The following COL4A4 variants were observed in gnomAD, a reference collection of about 807,000 sequenced individuals.
COL4A4 encodes the protein collagen type IV alpha 4 chain.
Under a neutral mutation model 192.9 loss-of-function variants are expected in COL4A4, and 105 were observed. That is an observed-to-expected ratio of 0.54 (90% CI 0.46 to 0.64). The LOEUF (loss-of-function observed/expected upper bound fraction) is 0.64, where lower values mean the gene tolerates loss of function less well. Ranked by LOEUF, COL4A4 falls within the 30% of genes least tolerant of loss-of-function variation. The pLI is 0.00. For synonymous variants in COL4A4, 762 were observed against 769.9 expected, an observed-to-expected ratio of 0.99 and a Z score of 0.17; for missense variants, 1,967 against 2,169.3, an observed-to-expected ratio of 0.91 and a Z score of 1.85.
chr2:227,153,478 T>C (rs1394335973), intron 1 of COL4A4, among the ~76,000 whole-genome samples: 1 of 152,188 alleles, frequency 6.6e-6, no homozygotes, highest in African/African-American at 2.4e-5. Flanking sequence ...CCAGGTTTTC[T>C]ATCACCTGAT....
At chr2:227,124,713 T>C (rs2061988057) in intron 4 of COL4A4, among the ~76,000 whole-genome samples, 2 of 152,356 alleles carry the variant, frequency 1.3e-5, no homozygotes, top group Admixed American at 1.3e-4. Flanking sequence ...GCACAAATTC[T>C]AAACTACGAT....
intron 40 of COL4A4, 74 bp from the exon 41 acceptor site, chr2:227,030,672 C>T (rs555364866): frequency 1.4e-5 from 17 of 1,180,584 alleles, no homozygotes; most frequent in African/African-American, 1.1e-4. Context: ...TGACAGCTTC[C>T]GAAGAAAAAC....
At chr2:227,125,193 A>G (rs1021126947) in intron 4 of COL4A4, among the ~76,000 whole-genome samples, 2 of 152,108 alleles carry the variant, frequency 1.3e-5, no homozygotes, top group Non-Finnish European at 2.9e-5. Flanking sequence ...AATGCCATAT[A>G]AAATACTTTA....
intron 4 of COL4A4, among the ~76,000 whole-genome samples, chr2:227,131,607 A>G (rs2062473212): frequency 6.6e-6 from 1 of 152,128 alleles, no homozygotes; most frequent in Non-Finnish European, 1.5e-5. Flanking sequence ...TTGTCTGAAC[A>G]CTTGTAGGGA....
At chr2:227,058,179 G>T (rs555234329) in intron 28 of COL4A4, among the ~76,000 whole-genome samples, 1 of 152,304 alleles carries the variant, frequency 6.6e-6, no homozygotes, top group South Asian at 2.1e-4. Flanking sequence ...ATATTAATCT[G>T]CAAATGTTTT....
intron 4 of COL4A4, among the ~76,000 whole-genome samples, chr2:227,125,523 C>T (rs907684674): frequency 3.3e-5 from 5 of 150,098 alleles, no homozygotes; most frequent in African/African-American, 4.9e-5. Context: ...TAAAATACTT[C>T]GGGAGGAAAA....
At chr2:227,052,952 C>G (rs886183392) in intron 31 of COL4A4, among the ~76,000 whole-genome samples, 5 of 152,120 alleles carry the variant, frequency 3.3e-5, no homozygotes, top group African/African-American at 1.2e-4. Context: ...TGGGCTCCTA[C>G]CAGCTTGACG....
At chr2:227,142,537 T>G (rs1218623712) in intron 3 of COL4A4, among the ~76,000 whole-genome samples, 1 of 152,144 alleles carries the variant, frequency 6.6e-6, no homozygotes, top group Non-Finnish European at 1.5e-5. Context: ...GCAGATCACT[T>G]GAAGCCAGGA....
chr2:227,111,706 C>G lies in COL4A4; in HGVS notation c.566G>C (p.Arg189Thr). 6.2e-7 allele frequency: 1 copy of G among 1,614,108 alleles called. No homozygotes were observed. The highest frequency in any genetic ancestry group is 8.5e-7 in the Non-Finnish European group (1 of 1,179,968). ...TAAGCCAGGCAGTCCTGGGTCCCCT[C>G]TGTCTCCCTGCAAAAATAAGAATGC... Reference protein sequence around the residue: ...LGAVKGIQGDRGDPGLPGLPG... With the variant: ...LGAVKGIQGDTGDPGLPGLPG... The change falls in exon 9 of 48, where the codon AGA (arginine) becomes ACA (threonine). Residue 189 changes from arginine (R) to threonine (T), a missense_variant. Coordinates refer to ENST00000396625, the MANE Select transcript of COL4A4 (RefSeq NM_000092.5).
chr2:227,122,089 A>G (rs1295024343), intron 4 of COL4A4, among the ~76,000 whole-genome samples: 2 of 152,204 alleles, frequency 1.3e-5, no homozygotes, highest in Non-Finnish European at 2.9e-5. Flanking sequence ...CATGAATGAA[A>G]AGGCCACCTC....
chr2:227,053,473 G>A (rs1974571286), intron 31 of COL4A4, among the ~76,000 whole-genome samples: 1 of 151,932 alleles, frequency 6.6e-6, no homozygotes. Flanking sequence ...AACAGGGATG[G>A]GGACATAATA....
intron 23 of COL4A4, among the ~76,000 whole-genome samples, chr2:227,081,154 C>T (rs1316747729): frequency 6.6e-6 from 1 of 152,136 alleles, no homozygotes; most frequent in Non-Finnish European, 1.5e-5. Flanking sequence ...AGGATGCCTA[C>T]ATAGCTGGTA....
intron 1 of COL4A4, among the ~76,000 whole-genome samples, chr2:227,151,240 GATT>G (rs1221014651): frequency 3.9e-5 from 6 of 152,084 alleles, no homozygotes; most frequent in African/African-American, 1.4e-4. Flanking sequence ...AAATACTTAT[GATT>G]ATGTCTCTAA....
intron 15 of COL4A4, 32 bp downstream of exon 15, chr2:227,102,757 A>G (rs1268602619): frequency 6.3e-7 from 1 of 1,582,332 alleles, no homozygotes; most frequent in African/African-American, 1.3e-5. Context: ...ATATCTCCAA[A>G]TTCACTGATG....
chr2:227,043,106 G>A lies in COL4A4; in HGVS notation c.3368C>T (p.Pro1123Leu), dbSNP rs753264064. ...PRGSPGRPGP[P>L]GSSGPPGCPG... ...GCACCCTGGTGGTCCAGAGGAGCCAGGTGGCCCTGGCCTTCCAGGTGATCC... is the reference window on the plus strand; with the variant it reads ...GCACCCTGGTGGTCCAGAGGAGCCAAGTGGCCCTGGCCTTCCAGGTGATCC... The change falls in exon 36 of 48, where the codon CCT becomes CTT. Residue 1123 changes from proline (P) to leucine (L), a missense_variant. Pro to Leu is a moderately conservative substitution (Grantham distance 98). Transcript: ENST00000396625. 1.9e-6 allele frequency: 3 copies of A among 1,613,824 alleles called. No individual in the cohort carries two copies. The highest frequency in any genetic ancestry group is 2.5e-6 in the Non-Finnish European group (3 of 1,179,984).
At chr2:227,051,815 G>A (rs1974163226) in intron 32 of COL4A4, among the ~76,000 whole-genome samples, 1 of 152,126 alleles carries the variant, frequency 6.6e-6, no homozygotes, top group Non-Finnish European at 1.5e-5. Flanking sequence ...CCAAATCTAG[G>A]AGTACACAGG....
intron 22 of COL4A4, 133 bp downstream of exon 22, chr2:227,088,520 C>T: frequency 1.7e-6 from 2 of 1,208,744 alleles, no homozygotes; most frequent in Admixed American, 1.7e-5. Context: ...CCCACCCATA[C>T]AGAACTGCGA....
chr2:227,081,915 TTA>T (rs1214280079), intron 23 of COL4A4, among the ~76,000 whole-genome samples, 198 bp downstream of exon 23: 1 of 152,178 alleles, frequency 6.6e-6, no homozygotes, highest in Non-Finnish European at 1.5e-5. Context: ...AAAGGAATAT[TTA>T]TGTTTTCAAA....
At chr2:226,975,490 A>T in the COL4A4 span, among the ~76,000 whole-genome samples, 1 of 152,138 alleles carries the variant, frequency 6.6e-6, no homozygotes, top group African/African-American at 2.4e-5. Flanking sequence ...GATTTTCCTC[A>T]TTCTTATTTC....
Sources: allele counts gnomAD v4.1 joint callset (sites outside exome capture counted in the v4.1 genomes callset), GRCh38; gene constraint gnomAD v4.1.1; transcripts MANE v1.5; gene names NCBI Gene and HGNC (gene_info 2026-07-23, HGNC 2026-07-21).